WDR64: variants seen among roughly 807,000 people sequenced by gnomAD.
WDR64 encodes the protein WD repeat domain 64, also known as WD repeat-containing protein 64.
In WDR64, 112 loss-of-function variants were observed where a neutral mutation model predicts 139.3. The ratio of observed to expected loss-of-function variants is 0.80; its 90% CI spans 0.69 to 0.94. The LOEUF (loss-of-function observed/expected upper bound fraction) is 0.94, where lower values mean the gene tolerates loss of function less well. Among genes scored for constraint, WDR64 ranks in the 40% least tolerant of loss-of-function variants. The pLI, the probability that WDR64 is intolerant of heterozygous loss-of-function variation, is 0.00. For synonymous variants in WDR64, 444 were observed against 437.7 expected (o/e 1.01, Z -0.18); for missense variants, 1,206 against 1,293.1 (o/e 0.93, Z 1.03).
intron 27 of WDR64, among the ~76,000 whole-genome samples, chr1:241,799,120 C>A (rs1263152237): frequency 7.2e-6 from 1 of 139,436 alleles, no homozygotes; most frequent in East Asian, 2.3e-4. Context: ...AATCCCAGCA[C>A]TTTGGGAGGC....
At chr1:241,693,188 C>T (rs1667367298) in intron 8 of WDR64, among the ~76,000 whole-genome samples, 1 of 152,090 alleles carries the variant, frequency 6.6e-6, no homozygotes, top group African/African-American at 2.4e-5. Flanking sequence ...TGAATGGATA[C>T]ACAGACTCTG....
chr1:241,799,292 G>A lies in WDR64; in HGVS notation c.3193-1840G>A, dbSNP rs573690389. On this transcript the variant is annotated intron_variant, in intron 27 of 27. Coordinates refer to ENST00000437684, the MANE Select transcript of WDR64 (RefSeq NM_001367482.1). The stretch of plus-strand genomic sequence containing the variant: ...GCTGCTTGGGAGAGGTGGGAGGATC[G>A]CTTGAGCCTGGAAAGTGGACGTTGC... 1.8e-3 allele frequency among the ~76,000 whole-genome samples: 264 copies of A among 150,180 alleles called. 1 individual carries two copies. The highest frequency in any genetic ancestry group is 6.1e-3 in the African/African-American group (247 of 40,746).
Position 241,658,110 on chromosome 1 carries a change from A to G in WDR64, c.146-2420A>G, listed in dbSNP as rs190080000. Among the ~76,000 whole-genome samples the G allele has an allele frequency of 3.5e-3, 532 of 152,320 alleles. 3 individuals carry two copies. Among genetic ancestry groups the G allele is most frequent in the African/African-American group, 0.012 (499 of 41,570 alleles). The stretch of plus-strand genomic sequence containing the variant: ...TATCTAATTTTCTATTCTAAGCCCA[A>G]TGTCTGGCTCAGTTCTTACACATAA... On this transcript the variant is annotated intron_variant, in intron 1 of 27. Coordinates refer to ENST00000437684, the MANE Select transcript of WDR64 (RefSeq NM_001367482.1).
At chr1:241,724,732 T>C (rs1668734720) in intron 10 of WDR64, among the ~76,000 whole-genome samples, 1 of 152,214 alleles carries the variant, frequency 6.6e-6, no homozygotes, top group Non-Finnish European at 1.5e-5. Context: ...CACCTATGAC[T>C]AAGGAGAAAG....
At chr1:241,747,378 C>T (rs1211771995) in intron 13 of WDR64, among the ~76,000 whole-genome samples, 1 of 152,158 alleles carries the variant, frequency 6.6e-6, no homozygotes, top group Non-Finnish European at 1.5e-5. Context: ...TAGGATTATA[C>T]CGTAGTCACA....
At chr1:241,698,617 G>C (rs1667586037) in intron 8 of WDR64, among the ~76,000 whole-genome samples, 2 of 151,956 alleles carry the variant, frequency 1.3e-5, no homozygotes. Flanking sequence ...TGAACTGCTT[G>C]CTGCTTCCTT....
chr1:241,740,651 C>CT (rs1160764811), intron 11 of WDR64, among the ~76,000 whole-genome samples: 30,444 of 144,740 alleles, frequency 0.21, 3,693 homozygotes, highest in Middle Eastern at 0.33. Context: ...CTCTGAGATT[C>CT]TTTTTTTTTT....
intron 9 of WDR64, among the ~76,000 whole-genome samples, chr1:241,719,619 C>A (rs1310223969): frequency 6.6e-6 from 1 of 152,026 alleles, no homozygotes; most frequent in African/African-American, 2.4e-5. Context: ...TTTATAAATA[C>A]CCAACTAACA....
At position 241,702,353 on chromosome 1, in the gene WDR64, C is replaced by A. The variant is rs559947423; in HGVS notation, c.975-9449C>A. ...ACTTTACCATTAGTTCTTCTTACCT[C>A]AGTTTCCCCATCTTTAAATGGTAAT... On this transcript the variant is annotated intron_variant, in intron 8 of 27. Coordinates refer to ENST00000437684, the MANE Select transcript of WDR64 (RefSeq NM_001367482.1). Among the ~76,000 whole-genome samples, 349 of 152,260 alleles carry A rather than the reference C, an allele frequency of 2.3e-3. 3 individuals are homozygous for A. The highest frequency in any genetic ancestry group is 1.7e-3 in the Non-Finnish European group (113 of 68,016).
chr1:241,684,115 A>C (rs78924280), intron 7 of WDR64, among the ~76,000 whole-genome samples: 2,952 of 152,334 alleles, frequency 0.019, 97 homozygotes, highest in African/African-American at 0.068. Flanking sequence ...AATTCAAAGA[A>C]AAAGTTTGAT....
intron 7 of WDR64, among the ~76,000 whole-genome samples, chr1:241,684,640 AC>A (rs1553364890): frequency 3.3e-5 from 5 of 152,174 alleles, no homozygotes; most frequent in Non-Finnish European, 1.5e-5. Context: ...AGTTGGATCC[AC>A]CTTTCTGGAA....
chr1:241,661,067 T>C (rs1665814241), intron 2 of WDR64, among the ~76,000 whole-genome samples: 1 of 152,182 alleles, frequency 6.6e-6, no homozygotes, highest in Non-Finnish European at 1.5e-5. Flanking sequence ...TTATATTCCC[T>C]GAGTTGTTTT....
At chr1:241,760,159 T>G (rs1397429662) in intron 15 of WDR64, among the ~76,000 whole-genome samples, 1 of 152,184 alleles carries the variant, frequency 6.6e-6, no homozygotes, top group Non-Finnish European at 1.5e-5. Context: ...TTGCTATTAA[T>G]AGAATGCTGC....
intron 24 of WDR64, among the ~76,000 whole-genome samples, chr1:241,788,488 C>G (rs1012477758): frequency 5.3e-5 from 8 of 152,150 alleles, no homozygotes; most frequent in Non-Finnish European, 2.9e-5. Flanking sequence ...AATGTCCAGC[C>G]TTCAGGGGAC....
At chr1:241,726,333 G>A (rs1668839072) in intron 10 of WDR64, among the ~76,000 whole-genome samples, 2 of 152,072 alleles carry the variant, frequency 1.3e-5, no homozygotes, top group Admixed American at 6.6e-5. Context: ...ACTTTGGGAG[G>A]TCAAGGTGGG....
intron 14 of WDR64, 34 bp from the exon 15 acceptor site, chr1:241,757,249 A>C: frequency 6.3e-7 from 1 of 1,578,986 alleles, no homozygotes; most frequent in Non-Finnish European, 8.6e-7. Context: ...AAAATAATTG[A>C]ACTTTTCATG....
chr1:241,665,285 C>T (rs1665987801), intron 2 of WDR64, among the ~76,000 whole-genome samples: 1 of 152,098 alleles, frequency 6.6e-6, no homozygotes, highest in Non-Finnish European at 1.5e-5. Context: ...GTCAGTGCTC[C>T]TAAGGGGCAT....
intron 15 of WDR64, among the ~76,000 whole-genome samples, chr1:241,759,276 A>C (rs1347495259): frequency 2.6e-5 from 4 of 152,164 alleles, no homozygotes; most frequent in African/African-American, 9.6e-5. Context: ...CTGTCAAATT[A>C]CTGTGCTTTA....
chr1:241,723,507 G>T, intron 10 of WDR64, 71 bp downstream of exon 10: 1 of 1,489,938 alleles, frequency 6.7e-7, no homozygotes, highest in East Asian at 2.4e-5. Context: ...GCATAGGGAT[G>T]ATACAATTTT....
Sources: allele counts gnomAD v4.1 joint callset (sites outside exome capture counted in the v4.1 genomes callset), GRCh38; gene constraint gnomAD v4.1.1; transcripts MANE v1.5; gene names NCBI Gene and HGNC (gene_info 2026-07-23, HGNC 2026-07-21).